The following ALPK1 variants were observed in gnomAD, a reference collection of about 807,000 sequenced individuals.
ALPK1 encodes alpha-protein kinase 1.
Under a neutral mutation model 120.6 loss-of-function variants are expected in ALPK1, and 110 were observed. The observed-to-expected ratio is 0.91, with a 90% CI of 0.78 to 1.07. ALPK1 has a LOEUF of 1.07. ALPK1 is among the 50% of genes least tolerant of loss of function. The pLI is 0.00. For missense variants in ALPK1, 1,498 were observed against 1,483.9 expected, an observed-to-expected ratio of 1.01 and a Z score of -0.16; for synonymous variants, 582 against 560.3, an observed-to-expected ratio of 1.04 and a Z score of -0.55.
chr4:112,421,560 C>A (rs1226835739), intron 5 of ALPK1, among the ~76,000 whole-genome samples: 1 of 152,086 alleles, frequency 6.6e-6, no homozygotes, highest in African/African-American at 2.4e-5. Flanking sequence ...CTATTCTGGG[C>A]CGTCTTTATT....
chr4:112,380,583 A>G (rs1051829046), intron 3 of ALPK1, among the ~76,000 whole-genome samples: 1 of 152,158 alleles, frequency 6.6e-6, no homozygotes, highest in East Asian at 1.9e-4. Flanking sequence ...ATAAAAAGGG[A>G]TCACAGACCA....
At chr4:112,351,599 G>A (rs575736633) in intron 2 of ALPK1, among the ~76,000 whole-genome samples, 6 of 151,800 alleles carry the variant, frequency 4.0e-5, no homozygotes, top group African/African-American at 1.5e-4. Context: ...TCAGCCTCCC[G>A]AGTAACTGAG....
intron 1 of ALPK1, among the ~76,000 whole-genome samples, chr4:112,309,865 C>T (rs1489028584): frequency 6.6e-6 from 1 of 152,120 alleles, no homozygotes; most frequent in East Asian, 1.9e-4. Flanking sequence ...GAAGACTTGA[C>T]TTACATGACT....
chr4:112,419,275 C>G (rs935765873), intron 5 of ALPK1, among the ~76,000 whole-genome samples: 1 of 152,162 alleles, frequency 6.6e-6, no homozygotes, highest in Non-Finnish European at 1.5e-5. Flanking sequence ...CTTTTATTCT[C>G]TGTTTCTCTG....
chr4:112,431,272 TG>T lies in ALPK1; in HGVS notation c.1727del (p.Gly576AlafsTer23), dbSNP rs774541645. ...GAGCTGTTTTCAACAAGTCTCTGAG[TG>T]GCAGCCAGACTTCCAGTGCTTGGAG... ...EGAVFNKSLS[G>X]SQTSSAWSNL... On this transcript the variant is annotated frameshift_variant, in exon 11 of 16. Transcript: ENST00000650871. LOFTEE classifies it high-confidence loss of function. 8.1e-6 allele frequency: 13 copies of T among 1,614,140 alleles called. No homozygotes were observed. The highest frequency in any genetic ancestry group is 1.0e-5 in the Non-Finnish European group (12 of 1,180,022).
chr4:112,305,243 G>T (rs564146748), intron 1 of ALPK1, among the ~76,000 whole-genome samples: 3 of 151,908 alleles, frequency 2.0e-5, no homozygotes. Flanking sequence ...GCTCTTTTTT[G>T]GTTCCATATG....
chr4:112,396,749 T>G (rs1024342876), intron 4 of ALPK1, among the ~76,000 whole-genome samples: 3 of 152,116 alleles, frequency 2.0e-5, no homozygotes, highest in Non-Finnish European at 4.4e-5. Flanking sequence ...TGTAATCTTT[T>G]CAGTAATCTA....
intron 2 of ALPK1, among the ~76,000 whole-genome samples, chr4:112,354,519 G>A (rs1035338379): frequency 2.0e-5 from 3 of 152,182 alleles, no homozygotes; most frequent in Non-Finnish European, 4.4e-5. Context: ...AGGGGCTGGA[G>A]TGTAATGGCA....
At chr4:112,389,636 G>A (rs979939474) in intron 4 of ALPK1, among the ~76,000 whole-genome samples, 1 of 152,232 alleles carries the variant, frequency 6.6e-6, no homozygotes, top group Non-Finnish European at 1.5e-5. Flanking sequence ...GTGGTGACCG[G>A]TTGGACAGAC....
intron 2 of ALPK1, chr4:112,358,247 G>A (rs987968948): frequency 1.3e-4 from 74 of 586,910 alleles, no homozygotes; most frequent in Admixed American, 3.8e-4. Flanking sequence ...CTTTGCAGAC[G>A]CCAGAGCCCA....
chr4:112,438,343 C>T, intron 12 of ALPK1, 141 bp from the exon 13 acceptor site: 1 of 741,648 alleles, frequency 1.3e-6, no homozygotes, highest in Non-Finnish European at 2.1e-6. Context: ...TGAGATAAGT[C>T]AAAATAATTA....
chr4:112,376,202 G>A lies in ALPK1; in HGVS notation c.-100-1476G>A, dbSNP rs139514871. Among the ~76,000 whole-genome samples, 359 of 152,266 alleles carry A rather than the reference G, an allele frequency of 2.4e-3. 4 individuals carry two copies. Among genetic ancestry groups the A allele is most frequent in the African/African-American group, 8.1e-3 (337 of 41,550 alleles). Reference sequence around the variant, plus strand: ...CAAAAAGTGGCACAGAGACACCGACGGTTAGACTTGCTCTTAGTGACTAAT... The same window carrying A: ...CAAAAAGTGGCACAGAGACACCGACAGTTAGACTTGCTCTTAGTGACTAAT... On this transcript the variant is annotated intron_variant, in intron 2 of 15. Transcript: ENST00000650871.
intron 2 of ALPK1, among the ~76,000 whole-genome samples, chr4:112,351,756 G>A (rs1463325287): frequency 6.6e-6 from 1 of 152,166 alleles, no homozygotes; most frequent in African/African-American, 2.4e-5. Flanking sequence ...TTACAGATGT[G>A]AGCCGCTGTG....
At chr4:112,391,178 G>A (rs1461097266) in intron 4 of ALPK1, among the ~76,000 whole-genome samples, 9 of 152,166 alleles carry the variant, frequency 5.9e-5, no homozygotes, top group Admixed American at 5.9e-4. Flanking sequence ...TATGAAATGT[G>A]GCTGGAAGTG....
At chr4:112,396,537 T>C (rs936235890) in intron 4 of ALPK1, among the ~76,000 whole-genome samples, 1 of 152,188 alleles carries the variant, frequency 6.6e-6, no homozygotes, top group Non-Finnish European at 1.5e-5. Context: ...GTAAGGCGCT[T>C]ATGTCAATTC....
At chr4:112,379,329 A>AGAC (rs1405417895) in intron 3 of ALPK1, among the ~76,000 whole-genome samples, 1 of 152,240 alleles carries the variant, frequency 6.6e-6, no homozygotes, top group African/African-American at 2.4e-5. Context: ...CCCTTCAGGT[A>AGAC]AGCTGCTTGG....
intron 4 of ALPK1, among the ~76,000 whole-genome samples, chr4:112,405,255 G>A (rs1199336853): frequency 6.6e-6 from 1 of 152,170 alleles, no homozygotes; most frequent in Non-Finnish European, 1.5e-5. Flanking sequence ...GACTTACAAA[G>A]TGTCCTTGTA....
intron 11 of ALPK1, 32 bp from the exon 12 acceptor site, chr4:112,435,116 A>T: frequency 6.3e-7 from 1 of 1,592,914 alleles, no homozygotes. Flanking sequence ...CCTTTTGAAA[A>T]TAAGATTCAT....
intron 5 of ALPK1, among the ~76,000 whole-genome samples, chr4:112,419,449 A>G (rs1424839541): frequency 1.3e-5 from 2 of 150,192 alleles, no homozygotes; most frequent in African/African-American, 4.9e-5. Context: ...TAGCACAGCA[A>G]TGAGGTTTAA....
Sources: allele counts gnomAD v4.1 joint callset (sites outside exome capture counted in the v4.1 genomes callset), GRCh38; gene constraint gnomAD v4.1.1; transcripts MANE v1.5; gene names NCBI Gene and HGNC (gene_info 2026-07-23, HGNC 2026-07-21).